ZNF614: variants seen among roughly 807,000 people sequenced by gnomAD.
ZNF614 encodes zinc finger protein 614.
ZNF614 carries 11 observed loss-of-function variants against 12.8 expected under a neutral mutation model. The observed-to-expected ratio is 0.86, with a 90% CI of 0.54 to 1.43. The LOEUF (loss-of-function observed/expected upper bound fraction) is 1.43. Among genes scored for constraint, ZNF614 ranks in the 40% most tolerant of loss-of-function variants. The probability of loss-of-function intolerance (pLI) is 0.00; values close to 1 mark genes in which losing one functional copy is unlikely to be tolerated. For synonymous variants in ZNF614, 237 were observed against 237.5 expected (o/e 1.00, Z 0.02); for missense variants, 664 against 708.8 (o/e 0.94, Z 0.72).
At chr19:52,019,292 G>C (rs1014977737) in intron 2 of ZNF614, among the ~76,000 whole-genome samples, 14 of 152,094 alleles carry the variant, frequency 9.2e-5, no homozygotes, top group African/African-American at 3.1e-4. Context: ...AGAGAAAAAA[G>C]ATAAATCATA....
chr19:52,026,724 G>A (rs1248549659), intron 1 of ZNF614, among the ~76,000 whole-genome samples: 2 of 152,210 alleles, frequency 1.3e-5, no homozygotes, highest in African/African-American at 4.8e-5. Context: ...CCCTGGGAAT[G>A]GAATGTCTCC....
chr19:52,024,395 G>A (rs2086955995), intron 2 of ZNF614, among the ~76,000 whole-genome samples: 1 of 152,130 alleles, frequency 6.6e-6, no homozygotes, highest in Non-Finnish European at 1.5e-5. Context: ...GACAATTAGT[G>A]TCAGAATTGA....
Position 52,016,475 on chromosome 19 carries a change from C to G in ZNF614, c.1123G>C (p.Glu375Gln), listed in dbSNP as rs115170497. The change falls in exon 5 of 5, where the codon GAA becomes CAA. Residue 375 changes from glutamate to glutamine, a missense_variant. By Grantham distance (29) the Glu-to-Gln change is conservative. Coordinates refer to ENST00000270649, the MANE Select transcript of ZNF614 (RefSeq NM_025040.4). ...TTCACGGTAAAGCCTTTTCCACATT[C>G]ACTGCACATATAGGGTTTCTCTCCA... ...HTGEKPYMCS[E>Q]CGKGFTVKSN... is the part of the protein sequence containing the mutation. 540 of 1,614,134 alleles carry G rather than the reference C, an allele frequency of 3.3e-4. No homozygotes were observed. The African/African-American group carries it at 5.7e-3, about 17-fold the overall frequency.
intron 2 of ZNF614, among the ~76,000 whole-genome samples, chr19:52,019,485 C>T (rs977815688): frequency 6.6e-6 from 1 of 152,116 alleles, no homozygotes; most frequent in Admixed American, 6.5e-5. Context: ...AAGTTCAGAG[C>T]AGGAAGTCAC....
At position 52,017,014 on chromosome 19, in the gene ZNF614, T is replaced by C. The variant is rs1440611613; in HGVS notation, c.584A>G (p.His195Arg). The C allele has an allele frequency of 6.2e-7, 1 of 1,614,012 alleles. No individual in the cohort carries two copies. The highest frequency in any genetic ancestry group is 1.1e-5 in the South Asian group (1 of 91,070). The change falls in exon 5 of 5, where the codon CAT becomes CGT. Residue 195 changes from histidine to arginine, a missense_variant. Transcript: ENST00000270649. ...CIHTKFQVFK[H>R]QRTQKIEKPH... ...TTTCTCAATTTTCTGAGTCCTCTGA[T>C]GCTTGAAGACTTGGAATTTAGTATG...
At position 52,016,112 on chromosome 19, in the gene ZNF614, A is replaced by G; in HGVS notation, c.1486T>C (p.Tyr496His). The G allele has an allele frequency of 6.2e-7, 1 of 1,613,670 alleles. No homozygotes were observed. The highest frequency in any genetic ancestry group is 8.5e-7 in the Non-Finnish European group (1 of 1,179,928). ...TECGKSYSHKYGLITHQRIHT... is the reference protein window; with the variant it reads ...TECGKSYSHKHGLITHQRIHT... ...ATTCTCTGATGGGTAATGAGGCCAT[A>G]TTTGTGTGAATAGGATTTTCCGCAC... Residue 496 changes from tyrosine (Y) to histidine (H), a missense_variant, in exon 5 of 5, where the codon TAT becomes CAT. Physicochemically the swap from Tyr to His is moderately conservative, Grantham distance 83. Coordinates refer to ENST00000270649, the MANE Select transcript of ZNF614 (RefSeq NM_025040.4).
At position 52,016,942 on chromosome 19, in the gene ZNF614, T is replaced by C; in HGVS notation, c.656A>G (p.Gln219Arg). 1 of 1,614,210 alleles carries C rather than the reference T, an allele frequency of 6.2e-7. No homozygotes were observed. The highest frequency in any genetic ancestry group is 8.5e-7 in the Non-Finnish European group (1 of 1,180,040). The change falls in exon 5 of 5, where the codon CAG becomes CGG. Residue 219 changes from glutamine to arginine, a missense_variant. By Grantham distance (43) the Gln-to-Arg change is conservative (BLOSUM62 1). Transcript: ENST00000270649. ...ECEQTFLRKSQLIYHENICIQ... is the reference protein window; with the variant it reads ...ECEQTFLRKSRLIYHENICIQ... ...ACAAATGTTCTCATGGTAAATGAGC[T>C]GAGACTTCCTAAGGAAGGTTTGCTC...
intron 1 of ZNF614, among the ~76,000 whole-genome samples, chr19:52,027,616 A>G (rs568958951): frequency 3.9e-5 from 6 of 152,308 alleles, no homozygotes; most frequent in African/African-American, 1.4e-4. Context: ...GTGTTAACTG[A>G]TATCCAATAA....
chr19:52,018,715 T>C (rs1018808333), intron 2 of ZNF614, among the ~76,000 whole-genome samples: 1 of 152,124 alleles, frequency 6.6e-6, no homozygotes, highest in Non-Finnish European at 1.5e-5. Flanking sequence ...ATCCCTACAT[T>C]ACCAATGACT....
chr19:52,020,375 T>C (rs568771788), intron 2 of ZNF614, among the ~76,000 whole-genome samples: 1 of 151,986 alleles, frequency 6.6e-6, no homozygotes, highest in Non-Finnish European at 1.5e-5. Flanking sequence ...ATGACACAAA[T>C]CAGAATCAGC....
At chr19:52,021,795 A>C (rs1287108072) in intron 2 of ZNF614, among the ~76,000 whole-genome samples, 1 of 152,212 alleles carries the variant, frequency 6.6e-6, no homozygotes, top group Admixed American at 6.5e-5. Context: ...AAAGCTTTAA[A>C]AAAAATGACT....
chr19:52,018,384 G>T lies in ZNF614; in HGVS notation c.126C>A (p.Asn42Lys). The T allele has an allele frequency of 4.3e-6, 7 of 1,614,054 alleles. No individual in the cohort carries two copies. Among genetic ancestry groups the T allele is most frequent in the Non-Finnish European group, 5.9e-6 (7 of 1,180,002 alleles). The part of the protein sequence containing the change: ...LYRDVMVENY[N>K]HLVSLGYQTS... ...TATTCTTACCCAGTGATACTAGGTGGTTATAGTTCTCCACCATCACATCCC... is the reference window on the plus strand; with the variant it reads ...TATTCTTACCCAGTGATACTAGGTGTTTATAGTTCTCCACCATCACATCCC... Residue 42 changes from asparagine (N) to lysine (K), a missense_variant, in exon 3 of 5, where the codon AAC becomes AAA. Physicochemically the swap from Asn to Lys is moderately conservative, Grantham distance 94. Coordinates refer to ENST00000270649, the MANE Select transcript of ZNF614 (RefSeq NM_025040.4).
rs2086899088 is a variant in ZNF614 at position 52,016,567 on chromosome 19, A to T, written c.1031T>A (p.Ile344Lys). Residue 344 changes from isoleucine to lysine, a missense_variant, in exon 5 of 5, where the codon ATA (isoleucine) becomes AAA (lysine). Coordinates refer to ENST00000270649, the MANE Select transcript of ZNF614 (RefSeq NM_025040.4). The stretch of plus-strand genomic sequence containing the variant: ...GAAGCCTTTTCCACATTCACTGCAT[A>T]TATAGGGTTTCTCCCCTGTATGAGT... The part of the protein sequence containing the change: ...QRTHTGEKPY[I>K]CSECGKGFTM... 6.2e-7 allele frequency: 1 copy of T among 1,613,902 alleles called. No individual in the cohort carries two copies. Among genetic ancestry groups the T allele is most frequent in the African/African-American group, 1.3e-5 (1 of 74,868 alleles).
chr19:52,023,351 T>C (rs1260049992), intron 2 of ZNF614, among the ~76,000 whole-genome samples: 1 of 151,908 alleles, frequency 6.6e-6, no homozygotes, highest in African/African-American at 2.4e-5. Context: ...GTATTTTTAG[T>C]AGAGACGGGC....
intron 1 of ZNF614, among the ~76,000 whole-genome samples, chr19:52,027,940 T>C (rs1234445920): frequency 6.6e-6 from 1 of 152,176 alleles, no homozygotes; most frequent in Non-Finnish European, 1.5e-5. Flanking sequence ...GCACATGTTA[T>C]ATTCTTCAGG....
chr19:52,022,504 GT>G (rs2086938566), intron 2 of ZNF614, among the ~76,000 whole-genome samples: 1 of 151,700 alleles, frequency 6.6e-6, no homozygotes, highest in African/African-American at 2.4e-5. Flanking sequence ...TGACAGCCTT[GT>G]GTGTGATCTT....
intron 1 of ZNF614, among the ~76,000 whole-genome samples, chr19:52,027,993 G>A (rs988422906): frequency 6.6e-6 from 1 of 152,290 alleles, no homozygotes; most frequent in Admixed American, 6.5e-5. Flanking sequence ...GGGCCTCATG[G>A]GAAGGGAAAG....
chr19:52,015,727 A>G lies in ZNF614; in HGVS notation c.*113T>C. On this transcript the variant is annotated 3_prime_UTR_variant, in exon 5 of 5. Transcript: ENST00000270649. Reference sequence around the variant, plus strand: ...AGACACACATCTGTCAACAGGCAGCACCATGTTTATGTTCCAATTGGCTAG... The same window carrying G: ...AGACACACATCTGTCAACAGGCAGCGCCATGTTTATGTTCCAATTGGCTAG... The G allele has an allele frequency of 3.0e-6, 3 of 1,008,724 alleles. No individual in the cohort carries two copies. The highest frequency in any genetic ancestry group is 4.4e-6 in the Non-Finnish European group (3 of 680,868). The allele number at this position is 1,008,724 out of a possible 1,614,324, so 62.5% of individuals were successfully genotyped here.
At chr19:52,020,534 G>A (rs896326102) in intron 2 of ZNF614, among the ~76,000 whole-genome samples, 10 of 152,170 alleles carry the variant, frequency 6.6e-5, no homozygotes, top group Non-Finnish European at 1.0e-4. Context: ...CCAGCGAGGC[G>A]CACCTAAACT....
Sources: gnomAD v4.1 joint callset for allele counts (sites outside exome capture counted in the v4.1 genomes callset) on GRCh38, gnomAD v4.1.1 for gene constraint, MANE v1.5 for transcripts, NCBI Gene and HGNC (gene_info 2026-07-23, HGNC 2026-07-21) for gene names.